The following UBA3 variants were observed in gnomAD, a reference collection of about 807,000 sequenced individuals.
UBA3 encodes NEDD8-activating enzyme E1 catalytic subunit.
UBA3 carries 26 observed loss-of-function variants against 73.5 expected under a neutral mutation model. That is an observed-to-expected ratio of 0.35 (90% CI 0.26 to 0.49). UBA3 has a LOEUF of 0.49. UBA3 is among the 20% of genes least tolerant of loss of function. UBA3 has a pLI of 0.98. For missense variants in UBA3, 495 were observed against 555.6 expected, an observed-to-expected ratio of 0.89 and a Z score of 1.10; for synonymous variants, 217 against 191.2, an observed-to-expected ratio of 1.13 and a Z score of -1.11.
At position 69,063,471 on chromosome 3, in the gene UBA3, T is replaced by TA; in HGVS notation, c.504dup (p.Ile169TyrfsTer18). 1 of 1,592,224 alleles carries TA rather than the reference T, an allele frequency of 6.3e-7. No individual in the cohort carries two copies. The highest frequency in any genetic ancestry group is 8.5e-7 in the Non-Finnish European group (1 of 1,174,362). On this transcript the variant is annotated frameshift_variant, in exon 8 of 18. Transcript: ENST00000361055. LOFTEE classifies it high-confidence loss of function. The stretch of plus-strand genomic sequence containing the variant: ...CCATTTATCCATCTTCTGGCGATGA[T>TA]AGAGTCCAGTCCACATACAATAATA...
chr3:69,073,728 C>CG (rs914199632), intron 4 of UBA3, among the ~76,000 whole-genome samples: 5 of 149,942 alleles, frequency 3.3e-5, no homozygotes, highest in African/African-American at 1.2e-4. Flanking sequence ...CTCTGCCTCC[C>CG]GGGTTCACGC....
rs374964120 is a variant in UBA3 at position 69,057,185 on chromosome 3, C to T, written c.964+71G>A. 8.7e-6 allele frequency: 13 copies of T among 1,490,540 alleles called. No homozygotes were observed. In the African/African-American group the frequency reaches 1.1e-4, roughly 13 times the overall value. 92.3% of individuals were successfully genotyped at this position (1,490,540 alleles called of 1,614,324 possible). On this transcript the variant is annotated intron_variant, in intron 12 of 17. Transcript: ENST00000361055. ...AAGAAGATATCAAATTCCTACAACACAAAAAAGCTGCAGCAACGTCAAAAA... is the reference window on the plus strand; with the variant it reads ...AAGAAGATATCAAATTCCTACAACATAAAAAAGCTGCAGCAACGTCAAAAA...
At position 69,055,365 on chromosome 3, in the gene UBA3, A is replaced by C. The variant is rs1163977719; in HGVS notation, c.*72T>G. 8 of 981,636 alleles carry C rather than the reference A, an allele frequency of 8.1e-6. No homozygotes were observed. In the Admixed American group the frequency reaches 1.5e-4, roughly 19 times the overall value. 60.8% of individuals were successfully genotyped at this position (981,636 alleles called of 1,614,324 possible). On this transcript the variant is annotated 3_prime_UTR_variant, in exon 18 of 18. Transcript: ENST00000361055. ...CGTGGCAACACTATTGCTAAAAATGACATCGATTCAACTTCTTAGCATCCA... is the reference window on the plus strand; with the variant it reads ...CGTGGCAACACTATTGCTAAAAATGCCATCGATTCAACTTCTTAGCATCCA...
chr3:69,079,932 G>C, intron 2 of UBA3, 180 bp downstream of exon 2: 1 of 565,334 alleles, frequency 1.8e-6, no homozygotes, highest in Non-Finnish European at 3.0e-6. Flanking sequence ...GGCAGATACC[G>C]GGAGCGGCCC....
intron 3 of UBA3, among the ~76,000 whole-genome samples, chr3:69,076,756 T>C (rs1176368369): frequency 6.6e-6 from 1 of 151,590 alleles, no homozygotes; most frequent in Non-Finnish European, 1.5e-5. Flanking sequence ...TCTTTTCTTT[T>C]TTTCTTTCTT....
Position 69,077,959 on chromosome 3 carries a change from G to GA in UBA3, c.63-42dup, listed in dbSNP as rs750763731. Reference sequence around the variant, plus strand: ...TAAATTCAGCTGCAAAGATCAGTATGAAAAAAACCACACCTACAACTATTA... The same window carrying GA: ...TAAATTCAGCTGCAAAGATCAGTATGAAAAAAAACCACACCTACAACTATTA... On this transcript the variant is annotated intron_variant, in intron 2 of 17. Coordinates refer to ENST00000361055, the MANE Select transcript of UBA3 (RefSeq NM_003968.4). The GA allele has an allele frequency of 2.6e-5, 41 of 1,601,682 alleles. No homozygotes were observed. The African/African-American group carries it at 5.4e-4, about 21-fold the overall frequency.
intron 4 of UBA3, among the ~76,000 whole-genome samples, chr3:69,073,367 T>C (rs940042710): frequency 1.3e-5 from 2 of 152,236 alleles, no homozygotes; most frequent in Admixed American, 1.3e-4. Flanking sequence ...TTGTACCTGT[T>C]ATTCTCTCTA....
At chr3:69,075,395 A>G in intron 4 of UBA3, 35 bp downstream of exon 4, 1 of 1,076,074 alleles carries the variant, frequency 9.3e-7, no homozygotes. Flanking sequence ...CACAAAGAAG[A>G]AAAAAATATT....
chr3:69,065,725 A>T (rs1469943152), intron 6 of UBA3, among the ~76,000 whole-genome samples: 1 of 152,150 alleles, frequency 6.6e-6, no homozygotes, highest in Admixed American at 6.5e-5. Context: ...TACAGGCCTG[A>T]ACCACCACAC....
At chr3:69,060,808 T>A (rs2092015321) in intron 11 of UBA3, among the ~76,000 whole-genome samples, 1 of 152,186 alleles carries the variant, frequency 6.6e-6, no homozygotes, top group Non-Finnish European at 1.5e-5. Flanking sequence ...ACGCAAGAGC[T>A]GGTTATTAAA....
chr3:69,080,063 G>A (rs745688345), intron 2 of UBA3, 49 bp downstream of exon 2: 8 of 1,577,610 alleles, frequency 5.1e-6, no homozygotes, highest in East Asian at 2.3e-5. Flanking sequence ...CTGGGGTGGG[G>A]GGAGGCGGGG....
intron 5 of UBA3, among the ~76,000 whole-genome samples, chr3:69,070,178 G>T (rs936316109): frequency 1.3e-5 from 2 of 152,116 alleles, no homozygotes; most frequent in Admixed American, 6.6e-5. Context: ...CTTTTTCAGA[G>T]AATTCACAAC....
intron 12 of UBA3, 132 bp from the exon 13 acceptor site, chr3:69,056,947 T>A: frequency 1.0e-6 from 1 of 1,001,190 alleles, no homozygotes; most frequent in Non-Finnish European, 1.5e-6. Flanking sequence ...TTTTAAAAAC[T>A]GAGACAGTAA....
At chr3:69,079,947 G>A (rs1216616545) in intron 2 of UBA3, 165 bp downstream of exon 2, 2 of 605,348 alleles carry the variant, frequency 3.3e-6, no homozygotes, top group East Asian at 3.2e-5. Context: ...CGGCCCGCCA[G>A]GCCCCCGGGG....
chr3:69,066,454 G>GT (rs2092072561), intron 6 of UBA3, among the ~76,000 whole-genome samples: 1 of 141,542 alleles, frequency 7.1e-6, no homozygotes, highest in African/African-American at 2.6e-5. Flanking sequence ...GTTTTTTTTT[G>GT]TTTTTTTGAG....
rs2092181815 is a variant in UBA3, at chr3:69,077,893, C to A, written c.88G>T (p.Asp30Tyr). The A allele has an allele frequency of 6.2e-7, 1 of 1,613,980 alleles. No individual in the cohort carries two copies. Among genetic ancestry groups the A allele is most frequent in the Non-Finnish European group, 8.5e-7 (1 of 1,180,022 alleles). Residue 30 changes from aspartate (D) to tyrosine (Y), a missense_variant, in exon 3 of 18, where the codon GAC becomes TAC. Coordinates refer to ENST00000361055, the MANE Select transcript of UBA3 (RefSeq NM_003968.4). The stretch of plus-strand genomic sequence containing the variant: ...CAGCGACCTTCCCAGTCTCCAGTGT[C>A]CCCACACCCACCATCAACAGCCATT... ...EKMAVDGGCG[D>Y]TGDWEGRWNH...
Position 69,064,055 on chromosome 3 carries a change from G to C in UBA3, c.472+13C>G, listed in dbSNP as rs769220947. ...AGAATCTAGTGAGCATTAATTTCAA[G>C]TAAAAAACTTACGTCGATAGAAAGT... On this transcript the variant is annotated intron_variant, in intron 7 of 17. Transcript: ENST00000361055. 31 of 1,599,786 alleles carry C rather than the reference G, an allele frequency of 1.9e-5. No homozygotes were observed. Among genetic ancestry groups the C allele is most frequent in the South Asian group, 1.4e-4 (12 of 88,082 alleles).
At position 69,054,925 on chromosome 3, in the gene UBA3, T is replaced by C. The variant is rs1283276784; in HGVS notation, c.*512A>G. The C allele has an allele frequency of 6.6e-6, 1 of 152,292 alleles. No individual in the cohort carries two copies. The highest frequency in any genetic ancestry group is 1.9e-4 in the East Asian group (1 of 5,204). 9.4% of individuals were successfully genotyped at this position (152,292 alleles called of 1,614,324 possible). A position where few individuals can be genotyped will look rare whatever the true frequency, so the allele number is the denominator to read the frequency against. ...ATTCAGCTATAACACCATTTACAAA[T>C]CATTATGAACAAGATAAATTCTGCA... On this transcript the variant is annotated 3_prime_UTR_variant, in exon 18 of 18. Transcript: ENST00000361055.
At chr3:69,078,466 T>TTTTTTC (rs760048468) in intron 2 of UBA3, among the ~76,000 whole-genome samples, 1 of 152,128 alleles carries the variant, frequency 6.6e-6, no homozygotes, top group South Asian at 2.1e-4. Flanking sequence ...AATAAGGTTA[T>TTTTTTC]TTTTTCTTTT....
Sources: allele counts gnomAD v4.1 joint callset (sites outside exome capture counted in the v4.1 genomes callset), GRCh38; gene constraint gnomAD v4.1.1; transcripts MANE v1.5; gene names NCBI Gene and HGNC (gene_info 2026-07-23, HGNC 2026-07-21).